ELMO1: variants seen among roughly 807,000 people sequenced by gnomAD.
ELMO1 encodes engulfment and cell motility 1.
ELMO1 carries 26 observed loss-of-function variants against 98.9 expected under a neutral mutation model. The observed-to-expected ratio is 0.26, with a 90% CI of 0.19 to 0.36. The LOEUF (loss-of-function observed/expected upper bound fraction) is 0.36. Ranked by LOEUF, ELMO1 falls within the 10% of genes least tolerant of loss-of-function variation. The pLI is 1.00. For synonymous variants in ELMO1, 346 were observed against 346.0 expected (o/e 1.00, Z 0.00); for missense variants, 627 against 935.2 (o/e 0.67, Z 4.30).
intron 16 of ELMO1, among the ~76,000 whole-genome samples, chr7:36,896,782 T>C (rs745432255): frequency 3.3e-5 from 5 of 152,158 alleles, no homozygotes; most frequent in Non-Finnish European, 4.4e-5. Context: ...TTAAATTTGG[T>C]CAAGGTTGAA....
intron 13 of ELMO1, among the ~76,000 whole-genome samples, chr7:37,206,162 A>G (rs887125711): frequency 6.6e-6 from 1 of 152,212 alleles, no homozygotes; most frequent in Non-Finnish European, 1.5e-5. Context: ...TAAGATCGTA[A>G]TAATAGCATC....
chr7:36,865,852 C>G (rs371964711), intron 20 of ELMO1, among the ~76,000 whole-genome samples: 3 of 152,294 alleles, frequency 2.0e-5, no homozygotes, highest in African/African-American at 7.2e-5. Context: ...AAAGGAGATG[C>G]TCAATACATT....
chr7:37,337,360 A>AGG (rs1432413233), intron 2 of ELMO1, among the ~76,000 whole-genome samples: 1 of 151,820 alleles, frequency 6.6e-6, no homozygotes, highest in African/African-American at 2.4e-5. Flanking sequence ...GGAACATCAC[A>AGG]CACCGGGGCC....
chr7:37,380,390 T>C (rs1169662430), intron 1 of ELMO1, among the ~76,000 whole-genome samples: 3 of 152,222 alleles, frequency 2.0e-5, no homozygotes, highest in East Asian at 3.8e-4. Flanking sequence ...CCTGGCTACA[T>C]AGGGGATGGA....
intron 16 of ELMO1, among the ~76,000 whole-genome samples, chr7:36,900,071 T>C (rs1806375288): frequency 6.6e-6 from 1 of 152,192 alleles, no homozygotes; most frequent in Non-Finnish European, 1.5e-5. Context: ...AATGCAACTT[T>C]GTGGGCCCAC....
intron 16 of ELMO1, among the ~76,000 whole-genome samples, chr7:36,993,063 G>A (rs1245749369): frequency 6.6e-6 from 1 of 152,138 alleles, no homozygotes; most frequent in Non-Finnish European, 1.5e-5. Context: ...AACACAAGCA[G>A]ACTCAGCTTA....
intron 13 of ELMO1, among the ~76,000 whole-genome samples, chr7:37,150,534 T>C (rs1275582334): frequency 6.6e-6 from 1 of 152,070 alleles, no homozygotes; most frequent in Non-Finnish European, 1.5e-5. Context: ...TTATGATGAA[T>C]GAAAAGGGTA....
chr7:37,270,147 G>C (rs541229496), intron 5 of ELMO1: 2 of 152,266 alleles, frequency 1.3e-5, no homozygotes, highest in South Asian at 4.1e-4. Flanking sequence ...ATGGTGTAAA[G>C]GTCAAATTAA....
chr7:36,949,406 TC>T (rs1787782123), intron 16 of ELMO1, among the ~76,000 whole-genome samples: 2 of 151,758 alleles, frequency 1.3e-5, no homozygotes, highest in African/African-American at 4.8e-5. Flanking sequence ...CGGAATTTTC[TC>T]ATCTGGTTCC....
At chr7:37,319,396 A>G (rs1799364411) in intron 2 of ELMO1, among the ~76,000 whole-genome samples, 1 of 152,164 alleles carries the variant, frequency 6.6e-6, no homozygotes, top group Non-Finnish European at 1.5e-5. Context: ...TGTGATGTCC[A>G]CAGCATTGCT....
At chr7:37,429,850 A>AG (rs1189756441) in intron 1 of ELMO1, 1 of 152,256 alleles carries the variant, frequency 6.6e-6, no homozygotes, top group Non-Finnish European at 1.5e-5. Flanking sequence ...GGCATCCCTA[A>AG]GGGGGCTTCA....
chr7:37,418,448 A>C (rs750458701), intron 1 of ELMO1, among the ~76,000 whole-genome samples: 1 of 152,206 alleles, frequency 6.6e-6, no homozygotes, highest in African/African-American at 2.4e-5. Context: ...TCAAAGTGCA[A>C]TATCTGGTGG....
chr7:36,980,424 TC>T (rs1790948517), intron 16 of ELMO1, among the ~76,000 whole-genome samples: 2 of 152,196 alleles, frequency 1.3e-5, no homozygotes, highest in Non-Finnish European at 2.9e-5. Flanking sequence ...GATAGATAGT[TC>T]AGAAGTTTGA....
chr7:37,262,527 T>G (rs546176208), intron 5 of ELMO1, among the ~76,000 whole-genome samples: 2 of 152,334 alleles, frequency 1.3e-5, no homozygotes, highest in African/African-American at 4.8e-5. Context: ...TGATGTGTTC[T>G]GTTGGCATGA....
At chr7:36,882,627 C>T (rs1804570507) in intron 18 of ELMO1, among the ~76,000 whole-genome samples, 1 of 152,242 alleles carries the variant, frequency 6.6e-6, no homozygotes, top group Non-Finnish European at 1.5e-5. Context: ...TCACACATAG[C>T]TGGATGACAC....
At chr7:36,969,845 C>G (rs767771051) in intron 16 of ELMO1, among the ~76,000 whole-genome samples, 6 of 152,038 alleles carry the variant, frequency 3.9e-5, no homozygotes, top group Non-Finnish European at 7.4e-5. Flanking sequence ...TAATTAAAGT[C>G]AAGAGTAAAA....
At chr7:37,290,731 C>T (rs2130949382) in intron 4 of ELMO1, among the ~76,000 whole-genome samples, 1 of 152,234 alleles carries the variant, frequency 6.6e-6, no homozygotes, top group East Asian at 1.9e-4. Context: ...TTAGAGAATG[C>T]AAATTTTTCC....
rs76781546 is a variant in ELMO1 at position 36,863,813 on chromosome 7, C to T, written c.1906-2077G>A. On this transcript the variant is annotated intron_variant, in intron 20 of 21. Transcript: ENST00000310758. ...GATAGGTCATAGGTCATTATCTCTTCTTACAACTTTTTTTTCAACAAAATG... is the reference window on the plus strand; with the variant it reads ...GATAGGTCATAGGTCATTATCTCTTTTTACAACTTTTTTTTCAACAAAATG... Among the ~76,000 whole-genome samples the T allele has an allele frequency of 4.2e-4, 64 of 152,202 alleles. 1 individual carries two copies. The East Asian group carries it at 7.3e-3, about 17-fold the overall frequency.
intron 13 of ELMO1, among the ~76,000 whole-genome samples, chr7:37,200,692 G>T (rs927993905): frequency 1.3e-5 from 2 of 152,036 alleles, no homozygotes; most frequent in Non-Finnish European, 2.9e-5. Flanking sequence ...ATGGCCAGGC[G>T]CCATGGCTCA....
Sources: allele counts gnomAD v4.1 joint callset (sites outside exome capture counted in the v4.1 genomes callset), GRCh38; gene constraint gnomAD v4.1.1; transcripts MANE v1.5; gene names NCBI Gene and HGNC (gene_info 2026-07-23, HGNC 2026-07-21).